The following CAMK1D variants were observed in gnomAD, a reference collection of about 807,000 sequenced individuals.
CAMK1D encodes calcium/calmodulin dependent protein kinase ID, also known as calcium/calmodulin-dependent protein kinase type 1D.
In CAMK1D, 9 loss-of-function variants were observed where a neutral mutation model predicts 47.7. That is an observed-to-expected ratio of 0.19 (90% confidence interval 0.11 to 0.33). CAMK1D has a LOEUF of 0.33. CAMK1D is among the 10% of genes least tolerant of loss of function. The probability of loss-of-function intolerance (pLI) is 1.00; values close to 1 mark genes in which losing one functional copy is unlikely to be tolerated. For synonymous variants in CAMK1D, 184 were observed against 184.9 expected, an observed-to-expected ratio of 0.99 and a Z score of 0.04; for missense variants, 291 against 488.7, an observed-to-expected ratio of 0.60 and a Z score of 3.81.
At chr10:12,389,656 C>T (rs544338012) in intron 1 of CAMK1D, among the ~76,000 whole-genome samples, 6 of 152,236 alleles carry the variant, frequency 3.9e-5, no homozygotes, top group South Asian at 2.1e-4. Context: ...TCCTGGTTGG[C>T]GACCGTCCAG....
At position 12,759,117 on chromosome 10, in the gene CAMK1D, G is replaced by A. The variant is rs142046260; in HGVS notation, c.300-1831G>A. ...TAATCCCAGCACTTTGGGAGGCTAA[G>A]GCGGGAGGATCTCTTCAGCCCAGGA... is the stretch of plus-strand genomic sequence containing the variant. On this transcript the variant is annotated intron_variant, in intron 3 of 10. Coordinates refer to ENST00000619168, the MANE Select transcript of CAMK1D (RefSeq NM_153498.4). Among the ~76,000 whole-genome samples the A allele has an allele frequency of 7.5e-3, 1,149 of 152,310 alleles. 16 individuals are homozygous for A. Among genetic ancestry groups the A allele is most frequent in the African/African-American group, 0.026 (1,095 of 41,570 alleles).
chr10:12,734,649 T>A (rs572448169), intron 3 of CAMK1D, among the ~76,000 whole-genome samples: 1 of 151,716 alleles, frequency 6.6e-6, no homozygotes, highest in East Asian at 1.9e-4. Context: ...ATCCCAGAGC[T>A]GTGTTTGTGA....
intron 3 of CAMK1D, among the ~76,000 whole-genome samples, chr10:12,678,227 C>T (rs1588774957): frequency 6.6e-6 from 1 of 151,954 alleles, no homozygotes; most frequent in Admixed American, 6.6e-5. Flanking sequence ...AGATATTTTC[C>T]CTTGTGATTT....
At position 12,524,906 on chromosome 10, in the gene CAMK1D, A is replaced by T. The variant is rs577449080; in HGVS notation, c.93-28319A>T. Among the ~76,000 whole-genome samples, 441 of 152,284 alleles carry T rather than the reference A, an allele frequency of 2.9e-3. 1 individual carries two copies. The highest frequency in any genetic ancestry group is 5.0e-3 in the Non-Finnish European group (338 of 68,026). On this transcript the variant is annotated intron_variant, in intron 1 of 10. Transcript: ENST00000619168. ...ATTTCCTTTAGCATTTATTTTAGAG[A>T]ACATTTTCTGCTGATAAAGTATTTT...
At chr10:12,362,642 C>G (rs1438947524) in intron 1 of CAMK1D, among the ~76,000 whole-genome samples, 1 of 151,938 alleles carries the variant, frequency 6.6e-6, no homozygotes, top group Non-Finnish European at 1.5e-5. Flanking sequence ...GGACTACAGG[C>G]GCCCGCCATG....
chr10:12,710,562 A>G (rs981425112), intron 3 of CAMK1D, among the ~76,000 whole-genome samples: 2 of 152,218 alleles, frequency 1.3e-5, no homozygotes, highest in African/African-American at 2.4e-5. Flanking sequence ...GACCAGGTGT[A>G]CAGACTTCTT....
At chr10:12,766,789 G>A (rs763850859) in intron 4 of CAMK1D, among the ~76,000 whole-genome samples, 42 of 152,206 alleles carry the variant, frequency 2.8e-4, no homozygotes, top group Middle Eastern at 3.4e-3. Context: ...TCAGATACCC[G>A]TGGTGGGGGG....
At chr10:12,825,143 A>ATTT (rs1226302153) in intron 9 of CAMK1D, among the ~76,000 whole-genome samples, 6 of 152,282 alleles carry the variant, frequency 3.9e-5, no homozygotes, top group Admixed American at 1.3e-4. Context: ...GCGCAAAAGT[A>ATTT]GTTGTGGTTT....
chr10:12,696,605 T>G (rs140039263), intron 3 of CAMK1D, among the ~76,000 whole-genome samples: 1 of 152,220 alleles, frequency 6.6e-6, no homozygotes, highest in Admixed American at 6.5e-5. Flanking sequence ...AGCCGTCTCC[T>G]TCAGTTGTAT....
At chr10:12,701,343 A>G (rs1833511413) in intron 3 of CAMK1D, among the ~76,000 whole-genome samples, 1 of 152,218 alleles carries the variant, frequency 6.6e-6, no homozygotes, top group Non-Finnish European at 1.5e-5. Flanking sequence ...AACAACCAAC[A>G]AAAAGCACAC....
chr10:12,698,513 T>A (rs1294949337), intron 3 of CAMK1D, among the ~76,000 whole-genome samples: 1 of 152,152 alleles, frequency 6.6e-6, no homozygotes, highest in Non-Finnish European at 1.5e-5. Context: ...AAATATGAAC[T>A]TTATTTCTCA....
chr10:12,767,185 A>G (rs779807741), intron 4 of CAMK1D, among the ~76,000 whole-genome samples: 1 of 151,884 alleles, frequency 6.6e-6, no homozygotes, highest in Non-Finnish European at 1.5e-5. Flanking sequence ...TTATTTTTTT[A>G]TTTGTTTTTG....
chr10:12,771,891 AG>A (rs1362762030), intron 5 of CAMK1D, among the ~76,000 whole-genome samples: 1 of 152,142 alleles, frequency 6.6e-6, no homozygotes, highest in Non-Finnish European at 1.5e-5. Flanking sequence ...AAAATTAGCC[AG>A]GCATGGTGGC....
chr10:12,423,802 C>G (rs997456268), intron 1 of CAMK1D, among the ~76,000 whole-genome samples: 8 of 152,324 alleles, frequency 5.3e-5, no homozygotes, highest in Middle Eastern at 3.4e-3. Context: ...GTTGGTTGTT[C>G]TGAGGTTTGG....
At chr10:12,547,661 CTCTCTCTCTCTT>C (rs1836429632) in intron 1 of CAMK1D, among the ~76,000 whole-genome samples, 1 of 83,072 alleles carries the variant, frequency 1.2e-5, no homozygotes, top group African/African-American at 3.7e-5. Flanking sequence ...ACCCTGCACT[CTCTCTCTCTCTT>C]TCTCTCTCTC....
intron 1 of CAMK1D, among the ~76,000 whole-genome samples, chr10:12,547,682 T>TCTCTCTCACACACA: frequency 8.6e-6 from 1 of 116,576 alleles, no homozygotes; most frequent in South Asian, 3.3e-4. Flanking sequence ...TTTCTCTCTC[T>TCTCTCTCACACACA]CACACACACA....
At position 12,401,108 on chromosome 10, in the gene CAMK1D, T is replaced by TTA. The variant is rs1232349109; in HGVS notation, c.92+51207_92+51208dup. Among the ~76,000 whole-genome samples, 235 of 62,704 alleles carry TTA rather than the reference T, an allele frequency of 3.7e-3. 7 individuals carry two copies. The highest frequency in any genetic ancestry group is 0.015 in the African/African-American group (187 of 12,640). The allele number at this position is 62,704 out of a possible 152,430, so 41.1% of individuals were successfully genotyped here. Reference sequence around the variant, plus strand: ...GTATTATATATATTATATATATATTTTATATATATAATATATGTATTATAT... The same window carrying TTA: ...GTATTATATATATTATATATATATTTTATATATATATAATATATGTATTATAT... On this transcript the variant is annotated intron_variant, in intron 1 of 10. Coordinates refer to ENST00000619168, the MANE Select transcript of CAMK1D (RefSeq NM_153498.4).
chr10:12,457,188 C>T (rs1012143977), intron 1 of CAMK1D, among the ~76,000 whole-genome samples: 1 of 151,976 alleles, frequency 6.6e-6, no homozygotes, highest in Non-Finnish European at 1.5e-5. Flanking sequence ...GTTGGGAGTT[C>T]GAGACCAGCC....
intron 3 of CAMK1D, among the ~76,000 whole-genome samples, chr10:12,686,402 GC>G (rs1278627861): frequency 1.3e-5 from 2 of 152,006 alleles, no homozygotes; most frequent in Non-Finnish European, 2.9e-5. Context: ...GCTCACTGCA[GC>G]CTCCGCCTCC....
Sources: allele counts gnomAD v4.1 joint callset (sites outside exome capture counted in the v4.1 genomes callset), GRCh38; gene constraint gnomAD v4.1.1; transcripts MANE v1.5; gene names NCBI Gene and HGNC (gene_info 2026-07-23, HGNC 2026-07-21).